LACTBL1: variants seen among roughly 807,000 people sequenced by gnomAD.
LACTBL1 encodes lactamase beta like 1.
In LACTBL1, 29 loss-of-function variants were observed where a neutral mutation model predicts 39.6. That is an observed-to-expected ratio of 0.73 (90% CI 0.55 to 1.00). The LOEUF (loss-of-function observed/expected upper bound fraction) is 1.00, where lower values mean the gene tolerates loss of function less well. Among genes scored for constraint, LACTBL1 ranks in the 50% least tolerant of loss-of-function variants. LACTBL1 has a pLI of 0.00. For synonymous variants in LACTBL1, 361 were observed against 360.7 expected, an observed-to-expected ratio of 1.00 and a Z score of -0.01; for missense variants, 711 against 748.5, an observed-to-expected ratio of 0.95 and a Z score of 0.59.
At chr1:22,969,566 T>C (rs1640916877), upstream of LACTBL1, among the ~76,000 whole-genome samples, 1 of 152,206 alleles carries the variant, frequency 6.6e-6, no homozygotes, top group African/African-American at 2.4e-5. Flanking sequence ...AGACTTTCTA[T>C]GATCCGACTC....
At chr1:22,968,886 G>A (rs1438474330), upstream of LACTBL1, among the ~76,000 whole-genome samples, 2 of 152,074 alleles carry the variant, frequency 1.3e-5, no homozygotes, top group African/African-American at 4.8e-5. Flanking sequence ...CGGTATTTGG[G>A]GATTGTTTTG....
intron 2 of LACTBL1, 111 bp downstream of exon 4, chr1:22,962,995 CA>C (rs1640841150): frequency 4.1e-6 from 2 of 482,022 alleles, no homozygotes; most frequent in Non-Finnish European, 6.9e-6. Flanking sequence ...TCAAGAAATA[CA>C]TGTTGGACGG....
intron 1 of LACTBL1, among the ~76,000 whole-genome samples, chr1:22,964,331 AC>A: frequency 6.6e-6 from 1 of 152,236 alleles, no homozygotes; most frequent in South Asian, 2.1e-4. Flanking sequence ...ACAAATTGCG[AC>A]CTTTCTAGGC....
intron 2 of LACTBL1, among the ~76,000 whole-genome samples, chr1:22,962,394 C>G (rs1165861766): frequency 6.6e-6 from 1 of 152,096 alleles, no homozygotes; most frequent in Non-Finnish European, 1.5e-5. Flanking sequence ...TTCTTCTGAT[C>G]ATGTTTCACT....
exon 6 of LACTBL1, chr1:22,953,061 C>T: frequency 3.2e-6 from 4 of 1,232,280 alleles, no homozygotes; most frequent in East Asian, 3.2e-5. Context: ...TCTTGAACAC[C>T]GGCTTGCCCC....
At chr1:22,956,121 C>G (rs1640759191) in intron 4 of LACTBL1, among the ~76,000 whole-genome samples, 1 of 151,184 alleles carries the variant, frequency 6.6e-6, no homozygotes, top group Non-Finnish European at 1.5e-5. Flanking sequence ...ACCTGTAATC[C>G]CAGCACTCTG....
chr1:22,964,271 T>G (rs138747463), intron 1 of LACTBL1, among the ~76,000 whole-genome samples: 2,502 of 152,282 alleles, frequency 0.016, 20 homozygotes, highest in Non-Finnish European at 0.025. Context: ...CCTTCCACCT[T>G]CGAAGCTGGC....
chr1:22,953,585 C>A, exon 6 of LACTBL1: 1 of 1,256,488 alleles, frequency 8.0e-7, no homozygotes, highest in Non-Finnish European at 9.9e-7. Context: ...GCGTAGCCGT[C>A]CAGATCGCCG....
intron 2 of LACTBL1, among the ~76,000 whole-genome samples, chr1:22,960,991 G>T (rs923495371): frequency 6.6e-6 from 1 of 152,004 alleles, no homozygotes; most frequent in Non-Finnish European, 1.5e-5. Context: ...TGTAGACCAG[G>T]GTGGTCTCCA....
chr1:22,964,759 C>T (rs1259265065), intron 1 of LACTBL1, among the ~76,000 whole-genome samples: 1 of 152,218 alleles, frequency 6.6e-6, no homozygotes, highest in Non-Finnish European at 1.5e-5. Context: ...CACAGTGGTG[C>T]TCCTCCTGCT....
upstream of LACTBL1, among the ~76,000 whole-genome samples, chr1:22,967,732 T>C (rs1640897864): frequency 6.6e-6 from 1 of 152,162 alleles, no homozygotes; most frequent in Non-Finnish European, 1.5e-5. Flanking sequence ...AATCTCAACA[T>C]TTTATCATAT....
Position 22,955,435 on chromosome 1 carries a change from G to A in LACTBL1, c.554-9C>T, listed in dbSNP as rs1298528853. 22 of 1,544,590 alleles carry A rather than the reference G, an allele frequency of 1.4e-5. No individual in the cohort carries two copies. Among genetic ancestry groups the A allele is most frequent in the East Asian group, 2.4e-5 (1 of 40,902 alleles). ...CAGCCTTCTGGGCAGCCCTAGGGAG[G>A]AGCAGTGGTCAGACTTACCGGGCCC... On this transcript the variant is annotated splice_polypyrimidine_tract_variant and intron_variant, in intron 4 of 5. Coordinates refer to ENST00000426928, the Ensembl canonical transcript of LACTBL1.
At chr1:22,959,908 C>A in intron 3 of LACTBL1, 34 bp downstream of exon 5, 1 of 1,550,216 alleles carries the variant, frequency 6.5e-7, no homozygotes, top group South Asian at 1.2e-5. Context: ...CATCCCTTAC[C>A]CCTCCACAGG....
intron 4 of LACTBL1, among the ~76,000 whole-genome samples, chr1:22,956,063 C>CAAAAAA (rs10582369): frequency 1.3e-5 from 1 of 76,596 alleles, no homozygotes; most frequent in African/African-American, 5.8e-5. Context: ...AACTCCATCT[C>CAAAAAA]AAAAAAAAAA....
chr1:22,968,214 T>C (rs1303939396), upstream of LACTBL1, among the ~76,000 whole-genome samples: 3 of 152,216 alleles, frequency 2.0e-5, no homozygotes, highest in Admixed American at 6.5e-5. Flanking sequence ...GTGGAGTGTG[T>C]TGTTGTATAA....
At chr1:22,968,718 G>A (rs1640908574), upstream of LACTBL1, among the ~76,000 whole-genome samples, 1 of 152,146 alleles carries the variant, frequency 6.6e-6, no homozygotes, top group South Asian at 2.1e-4. Context: ...TTACCACTGC[G>A]TGACCTTAAG....
At chr1:22,953,399 A>T (rs1640726206) in exon 6 of LACTBL1, 1 of 1,227,880 alleles carries the variant, frequency 8.1e-7, no homozygotes, top group South Asian at 4.1e-5. Flanking sequence ...TAGCCGGCGA[A>T]GGGGTGCGCG....
exon 6 of LACTBL1, chr1:22,953,650 G>C (rs976490400): frequency 1.6e-6 from 2 of 1,271,366 alleles, no homozygotes; most frequent in Non-Finnish European, 2.0e-6. Flanking sequence ...CGGCGTGCCC[G>C]TCTCGTTGGC....
intron 2 of LACTBL1, among the ~76,000 whole-genome samples, chr1:22,962,240 C>T (rs982950396): frequency 6.6e-6 from 1 of 152,188 alleles, no homozygotes; most frequent in African/African-American, 2.4e-5. Flanking sequence ...CTCCCCTTCA[C>T]AAAAACCTTT....
Sources: gnomAD v4.1 joint callset for allele counts (sites outside exome capture counted in the v4.1 genomes callset) on GRCh38, gnomAD v4.1.1 for gene constraint, MANE v1.5 for transcripts, NCBI Gene and HGNC (gene_info 2026-07-23, HGNC 2026-07-21) for gene names.